GNAI1: variants seen among roughly 807,000 people sequenced by gnomAD.
GNAI1 encodes G protein subunit alpha i1.
Under a neutral mutation model 38.9 loss-of-function variants are expected in GNAI1, and 11 were observed. The observed-to-expected ratio is 0.28, with a 90% confidence interval of 0.18 to 0.47. GNAI1 has a LOEUF of 0.47. GNAI1 is among the 20% of genes least tolerant of loss of function. The pLI, the probability that GNAI1 is intolerant of heterozygous loss-of-function variation, is 0.99. For missense variants in GNAI1, 317 were observed against 436.9 expected (o/e 0.73, Z 2.45); for synonymous variants, 166 against 145.1 (o/e 1.14, Z -1.04).
chr7:80,167,320 G>A (rs1349444238), intron 1 of GNAI1, among the ~76,000 whole-genome samples: 1 of 152,186 alleles, frequency 6.6e-6, no homozygotes, highest in Non-Finnish European at 1.5e-5. Flanking sequence ...TATAGCAGGA[G>A]GCGTATGCAG....
At position 80,221,735 on chromosome 7, in the gene GNAI1, A is replaced by G. The variant is rs554552904; in HGVS notation, c.*4242A>G. Among the ~76,000 whole-genome samples, 102 of 132,676 alleles carry G rather than the reference A, an allele frequency of 7.7e-4. No homozygotes were observed. Among genetic ancestry groups the G allele is most frequent in the African/African-American group, 2.5e-3 (87 of 35,344 alleles). The allele number at this position is 132,676 out of a possible 152,430, so 87.0% of individuals were successfully genotyped here. On this transcript the variant is annotated 3_prime_UTR_variant, in exon 8 of 8. Coordinates refer to ENST00000649796, the MANE Select transcript of GNAI1 (RefSeq NM_002069.6). ...TCCACTCTCTGCAACCTCCAACTCC[A>G]TGGTTCAAGCAATTGTCCTGCCTCA...
At chr7:80,158,127 T>C (rs1787851767) in intron 1 of GNAI1, among the ~76,000 whole-genome samples, 1 of 152,248 alleles carries the variant, frequency 6.6e-6, no homozygotes, top group Admixed American at 6.5e-5. Flanking sequence ...TTGATTATGA[T>C]AGGCCTAAAG....
rs147235309 is a variant in GNAI1 at position 80,183,998 on chromosome 7, A to C, written c.119-4953A>C. ...GATGGTGCTCCTTTGTCCTCAGCAC[A>C]GTCTTATTTGCTGGGCTCCATATTT... is the stretch of plus-strand genomic sequence containing the variant. On this transcript the variant is annotated intron_variant, in intron 1 of 7. Coordinates refer to ENST00000649796, the MANE Select transcript of GNAI1 (RefSeq NM_002069.6). 3.0e-3 allele frequency among the ~76,000 whole-genome samples: 460 copies of C among 152,174 alleles called. 2 individuals are homozygous for C. The highest frequency in any genetic ancestry group is 0.01 in the African/African-American group (422 of 41,508).
chr7:80,211,390 A>C (rs1788870339), intron 6 of GNAI1, among the ~76,000 whole-genome samples: 1 of 151,844 alleles, frequency 6.6e-6, no homozygotes, highest in African/African-American at 2.4e-5. Flanking sequence ...CCCTTTTCTT[A>C]ATTTGTTACT....
intron 1 of GNAI1, among the ~76,000 whole-genome samples, chr7:80,156,820 G>T (rs2116116339): frequency 6.6e-6 from 1 of 152,026 alleles, no homozygotes. Context: ...AGTAGTTTTA[G>T]GTTCACAGTA....
At position 80,202,246 on chromosome 7, in the gene GNAI1, C is replaced by T. The variant is rs150489627; in HGVS notation, c.462-1458C>T. On this transcript the variant is annotated intron_variant, in intron 4 of 7. Coordinates refer to ENST00000649796, the MANE Select transcript of GNAI1 (RefSeq NM_002069.6). ...CTGGGATTACAGGCACGCCTCACCA[C>T]GTCCAGCTGATTTTTGCATTTTTAG... Among the ~76,000 whole-genome samples the T allele has an allele frequency of 5.5e-4, 84 of 152,108 alleles. 2 individuals carry two copies. In the East Asian group the frequency reaches 0.015, roughly 26 times the overall value.
intron 1 of GNAI1, among the ~76,000 whole-genome samples, chr7:80,146,132 G>A (rs1180319545): frequency 6.6e-6 from 1 of 152,070 alleles, no homozygotes; most frequent in Non-Finnish European, 1.5e-5. Context: ...AGGCCCCACT[G>A]CCTTTAGCAG....
chr7:80,188,124 A>G (rs915460678), intron 1 of GNAI1, among the ~76,000 whole-genome samples: 5 of 152,218 alleles, frequency 3.3e-5, no homozygotes, highest in African/African-American at 1.2e-4. Context: ...CCTCAGTGCT[A>G]GCAAGTCATG....
Position 80,135,258 on chromosome 7 carries a change from A to G in GNAI1, c.98A>G (p.Glu33Gly). 6.6e-7 allele frequency: 1 copy of G among 1,518,684 alleles called. No homozygotes were observed. The highest frequency in any genetic ancestry group is 8.8e-7 in the Non-Finnish European group (1 of 1,132,158). 94.1% of individuals were successfully genotyped at this position (1,518,684 alleles called of 1,614,324 possible). ...GAGGACGGCGAGAAGGCGGCGCGCG[A>G]GGTCAAGCTGCTGCTGCTCGGTAAG... ...LREDGEKAAR[E>G]VKLLLLGAGE... is the part of the protein sequence containing the mutation. The change falls in exon 1 of 8, where the codon GAG becomes GGG. Residue 33 changes from glutamate (E) to glycine (G), a missense_variant. Physicochemically the swap from Glu to Gly is moderately conservative, Grantham distance 98. Coordinates refer to ENST00000649796, the MANE Select transcript of GNAI1 (RefSeq NM_002069.6).
chr7:80,213,570 C>T (rs1009969139), intron 7 of GNAI1, among the ~76,000 whole-genome samples: 1 of 152,078 alleles, frequency 6.6e-6, no homozygotes, highest in Non-Finnish European at 1.5e-5. Flanking sequence ...AATTTAGTTC[C>T]TTGGAGCACC....
At position 80,224,596 on chromosome 7, in the gene GNAI1, A is replaced by C. The variant is rs759114226; in HGVS notation, c.*7103A>C. ...AGCATTGCCTGAACAGATGTTAATA[A>C]GTATGCATGATGCACATTAGCATGT... On this transcript the variant is annotated 3_prime_UTR_variant, in exon 8 of 8. Coordinates refer to ENST00000649796, the MANE Select transcript of GNAI1 (RefSeq NM_002069.6). 1.8e-4 allele frequency among the ~76,000 whole-genome samples: 28 copies of C among 152,244 alleles called. No homozygotes were observed. The highest frequency in any genetic ancestry group is 5.9e-4 in the Admixed American group (9 of 15,288).
At chr7:80,185,533 G>A (rs1788371472) in intron 1 of GNAI1, among the ~76,000 whole-genome samples, 1 of 152,036 alleles carries the variant, frequency 6.6e-6, no homozygotes, top group Non-Finnish European at 1.5e-5. Context: ...CGTTCAATCT[G>A]TACACTTCAA....
chr7:80,176,258 C>A (rs1046114720), intron 1 of GNAI1, among the ~76,000 whole-genome samples: 1 of 152,316 alleles, frequency 6.6e-6, no homozygotes, highest in South Asian at 2.1e-4. Context: ...CTAGGCCCTA[C>A]CTCTTCCGTT....
chr7:80,157,303 T>G (rs1345854949), intron 1 of GNAI1, among the ~76,000 whole-genome samples: 1 of 152,194 alleles, frequency 6.6e-6, no homozygotes. Flanking sequence ...TAGAGCTGAA[T>G]AATATTCCGT....
intron 1 of GNAI1, among the ~76,000 whole-genome samples, chr7:80,181,424 C>T (rs912949994): frequency 6.6e-6 from 1 of 152,210 alleles, no homozygotes; most frequent in African/African-American, 2.4e-5. Context: ...GAGTTTATCA[C>T]TATACAAATA....
chr7:80,185,992 A>G (rs1788379776), intron 1 of GNAI1, among the ~76,000 whole-genome samples: 1 of 151,656 alleles, frequency 6.6e-6, no homozygotes, highest in Admixed American at 6.6e-5. Context: ...AAGAAAGTAC[A>G]AATCCAGTTA....
Position 80,170,769 on chromosome 7 carries a change from A to G in GNAI1, c.119-18182A>G, listed in dbSNP as rs11981430. Among the ~76,000 whole-genome samples the G allele has an allele frequency of 1.6e-3, 239 of 152,224 alleles. 1 individual carries two copies. Among genetic ancestry groups the G allele is most frequent in the African/African-American group, 5.3e-3 (220 of 41,538 alleles). On this transcript the variant is annotated intron_variant, in intron 1 of 7. Transcript: ENST00000649796. ...TACCCCCATGATGCAGTCACCTTCC[A>G]CCAGCTCCACTTCCAACATTAGGGA...
intron 1 of GNAI1, among the ~76,000 whole-genome samples, chr7:80,141,512 G>A (rs1315372454): frequency 6.6e-6 from 1 of 152,142 alleles, no homozygotes; most frequent in Non-Finnish European, 1.5e-5. Context: ...AACTCCTTTA[G>A]GTTTCAAGGA....
rs765819433 is a variant in GNAI1 at position 80,203,665 on chromosome 7, A to G, written c.462-39A>G. The stretch of plus-strand genomic sequence containing the variant: ...GTTTTGGATGATCTTTATTGGCTAT[A>G]TTTACCATTAACATGTTGTTTTGTT... On this transcript the variant is annotated intron_variant, in intron 4 of 7. Transcript: ENST00000649796. 3 of 1,359,726 alleles carry G rather than the reference A, an allele frequency of 2.2e-6. No individual in the cohort carries two copies. In the African/African-American group the frequency reaches 4.4e-5, roughly 20 times the overall value. 84.2% of individuals were successfully genotyped at this position (1,359,726 alleles called of 1,614,324 possible). A position where few individuals can be genotyped will look rare whatever the true frequency, so the allele number is the denominator to read the frequency against.
Sources: allele counts gnomAD v4.1 joint callset (sites outside exome capture counted in the v4.1 genomes callset), GRCh38; gene constraint gnomAD v4.1.1; transcripts MANE v1.5; gene names NCBI Gene and HGNC (gene_info 2026-07-23, HGNC 2026-07-21).